The following SORL1 variants were observed in gnomAD, a reference collection of about 807,000 sequenced individuals.
SORL1 encodes the protein sortilin-related receptor.
SORL1 carries 127 observed loss-of-function variants against 273.7 expected under a neutral mutation model. The observed-to-expected ratio is 0.46, with a 90% CI of 0.40 to 0.54. SORL1 has a LOEUF of 0.54. SORL1 is among the 20% of genes least tolerant of loss of function. The pLI, the probability that SORL1 is intolerant of heterozygous loss-of-function variation, is 0.00. For synonymous variants in SORL1, 1,031 were observed against 1,067.4 expected (o/e 0.97, Z 0.66); for missense variants, 2,494 against 2,846.1 (o/e 0.88, Z 2.81).
At chr11:121,523,766 C>G (rs1862077746) in intron 11 of SORL1, among the ~76,000 whole-genome samples, 1 of 152,172 alleles carries the variant, frequency 6.6e-6, no homozygotes, top group African/African-American at 2.4e-5. Context: ...ACAGGATGAG[C>G]ACCTTGTCAT....
At chr11:121,538,681 A>G (rs1020832799) in intron 12 of SORL1, among the ~76,000 whole-genome samples, 1 of 151,070 alleles carries the variant, frequency 6.6e-6, no homozygotes, top group Non-Finnish European at 1.5e-5. Context: ...TATTTTTGGC[A>G]TTTATTTATT....
chr11:121,614,160 G>A (rs1374101257), intron 40 of SORL1: 1 of 152,202 alleles, frequency 6.6e-6, no homozygotes, highest in Non-Finnish European at 1.5e-5. Context: ...TGATCAGAAA[G>A]GGGATACATA....
In SORL1 at chr11:121,550,724, T is replaced by A. The variant is rs754376268; in HGVS notation, c.2266+54T>A. 2 of 1,409,054 alleles carry A rather than the reference T, an allele frequency of 1.4e-6. No individual in the cohort carries two copies. Among genetic ancestry groups the A allele is most frequent in the Non-Finnish European group, 2.0e-6 (2 of 1,005,528 alleles). The allele number at this position is 1,409,054 out of a possible 1,614,324, so 87.3% of individuals were successfully genotyped here. A position where few individuals can be genotyped will look rare whatever the true frequency, so the allele number is the denominator to read the frequency against. ...TTCTTGAGACATGGTTGAAGCAGTATCACGATCTCACCCAAGTCCGGGCTT... is the reference window on the plus strand; with the variant it reads ...TTCTTGAGACATGGTTGAAGCAGTAACACGATCTCACCCAAGTCCGGGCTT... On this transcript the variant is annotated intron_variant, in intron 16 of 47. Transcript: ENST00000260197. This position sits in a 1 kb window ranked among gnomAD's most constrained non-coding sequence, Gnocchi z 5.3.
intron 3 of SORL1, 141 bp downstream of exon 3, chr11:121,478,384 C>G (rs1365731884): frequency 1.0e-6 from 1 of 1,001,154 alleles, no homozygotes; most frequent in Admixed American, 2.8e-5. Context: ...TTTGTGCTAA[C>G]CTGGGCATTT....
intron 2 of SORL1, among the ~76,000 whole-genome samples, chr11:121,474,147 C>G (rs1319738884): frequency 2.0e-5 from 3 of 152,226 alleles, no homozygotes; most frequent in African/African-American, 7.2e-5. Flanking sequence ...GGTGATGTAC[C>G]TTCTCTTGTC....
chr11:121,565,106 T>TCTGGGA (rs1565338161), intron 21 of SORL1, among the ~76,000 whole-genome samples: 2 of 152,220 alleles, frequency 1.3e-5, no homozygotes, highest in Admixed American at 6.5e-5. Context: ...TGAAGGGATG[T>TCTGGGA]CTGGGACTTC....
chr11:121,541,565 C>G (rs548921968), intron 12 of SORL1, among the ~76,000 whole-genome samples: 8 of 151,960 alleles, frequency 5.3e-5, no homozygotes, highest in African/African-American at 1.9e-4. Context: ...AATGATGTCA[C>G]GAAAAGATTT....
intron 26 of SORL1, 80 bp downstream of exon 26, chr11:121,583,663 G>A: frequency 1.4e-6 from 2 of 1,469,242 alleles, no homozygotes. Context: ...GAGAGCCAGG[G>A]GATGAAATGC....
intron 1 of SORL1, among the ~76,000 whole-genome samples, chr11:121,462,461 A>G (rs1343164388): frequency 6.6e-6 from 1 of 152,166 alleles, no homozygotes; most frequent in Non-Finnish European, 1.5e-5. Flanking sequence ...TCTCCCCGAT[A>G]TGAGGTTAGG....
In SORL1 at chr11:121,596,522, C is replaced by T. The variant is rs778013709; in HGVS notation, c.4519+750C>T. Among the ~76,000 whole-genome samples the T allele has an allele frequency of 4.6e-5, 7 of 152,170 alleles. No homozygotes were observed. Among genetic ancestry groups the T allele is most frequent in the South Asian group, 2.1e-4 (1 of 4,828 alleles). ...GCAGACTTGGGAGGGCATGGCTGGA[C>T]GGTGCTTATGCAGCCCCCCACCGGC... On this transcript the variant is annotated intron_variant, in intron 32 of 47. Coordinates refer to ENST00000260197, the MANE Select transcript of SORL1 (RefSeq NM_003105.6). This position sits in a 1 kb window ranked among gnomAD's most constrained non-coding sequence, Gnocchi z 4.3.
intron 33 of SORL1, 99 bp from the exon 34 acceptor site, chr11:121,605,014 G>T: frequency 1.1e-6 from 1 of 939,026 alleles, no homozygotes; most frequent in Non-Finnish European, 1.6e-6. Flanking sequence ...CAGGCAATTT[G>T]CCCGCCTCGG....
At position 121,605,112 on chromosome 11, in the gene SORL1, G is replaced by C; in HGVS notation, c.4652-1G>C. ...TGTCTTTTTCTCCTTTATCTCTCTA[G>C]ATGAGTTGACTGTGTACAAAGTACA... On this transcript the variant is annotated splice_acceptor_variant, in intron 33 of 47. Transcript: ENST00000260197. LOFTEE classifies it high-confidence loss of function. 2 of 1,609,148 alleles carry C rather than the reference G, an allele frequency of 1.2e-6. No individual in the cohort carries two copies. The highest frequency in any genetic ancestry group is 1.7e-6 in the Non-Finnish European group (2 of 1,178,154).
rs897120225 is a variant in SORL1, at chr11:121,476,910, G to C, written c.403-1208G>C. ...GGGCTTAAGTGATCTTCACACCTCA[G>C]CTTCCCAACTAACTGAGACTACAGG... is the stretch of plus-strand genomic sequence containing the variant. On this transcript the variant is annotated intron_variant, in intron 2 of 47. Coordinates refer to ENST00000260197, the MANE Select transcript of SORL1 (RefSeq NM_003105.6). Among the ~76,000 whole-genome samples, 2 of 151,616 alleles carry C rather than the reference G, an allele frequency of 1.3e-5. 1 individual carries two copies. The highest frequency in any genetic ancestry group is 1.3e-4 in the Admixed American group (2 of 15,190).
intron 5 of SORL1, among the ~76,000 whole-genome samples, chr11:121,491,488 A>G (rs1290478633): frequency 6.6e-6 from 1 of 152,198 alleles, no homozygotes; most frequent in African/African-American, 2.4e-5. Context: ...ACTCACATGG[A>G]TGACTGATAG....
At chr11:121,585,833 C>T (rs1411046765) in intron 26 of SORL1, among the ~76,000 whole-genome samples, 1 of 151,910 alleles carries the variant, frequency 6.6e-6, no homozygotes, top group African/African-American at 2.4e-5. Flanking sequence ...CTCTTTATAG[C>T]TGTCTGTGTT....
intron 25 of SORL1, among the ~76,000 whole-genome samples, chr11:121,580,694 TCCTGGGCTCAATCCATCTTCCCG>T (rs1189967676): frequency 6.7e-6 from 1 of 149,120 alleles, no homozygotes; most frequent in Admixed American, 6.8e-5. Flanking sequence ...AGCCTTGACC[TCCTGGGCTCAATCCATCTTCCCG>T]CCTTAGCCTC....
intron 8 of SORL1, among the ~76,000 whole-genome samples, 159 bp downstream of exon 8, chr11:121,514,480 G>A (rs904594090): frequency 6.6e-6 from 1 of 152,226 alleles, no homozygotes; most frequent in African/African-American, 2.4e-5. Flanking sequence ...ATCACCATGG[G>A]ATGGGTTTGG....
intron 5 of SORL1, among the ~76,000 whole-genome samples, chr11:121,496,558 C>A (rs902474134): frequency 2.0e-5 from 3 of 152,180 alleles, no homozygotes; most frequent in Non-Finnish European, 4.4e-5. Flanking sequence ...TCAAGCAGTC[C>A]CTTGCTTATT....
chr11:121,538,979 G>A (rs767377777), intron 12 of SORL1, among the ~76,000 whole-genome samples: 11 of 152,066 alleles, frequency 7.2e-5, no homozygotes, highest in African/African-American at 1.7e-4. Context: ...GCCTGGCCCC[G>A]GCATTTATTA....
Sources: allele counts gnomAD v4.1 joint callset (sites outside exome capture counted in the v4.1 genomes callset), GRCh38; gene constraint gnomAD v4.1.1; non-coding constraint Gnocchi (gnomAD v3.1); transcripts MANE v1.5; gene names NCBI Gene and HGNC (gene_info 2026-07-23, HGNC 2026-07-21).